The following LARGE1 variants were observed in gnomAD, a reference collection of about 807,000 sequenced individuals.
The protein encoded by LARGE1 is xylosyl- and glucuronyltransferase LARGE1.
In LARGE1, 43 loss-of-function variants were observed where a neutral mutation model predicts 87.6. The observed-to-expected ratio is 0.49, with a 90% confidence interval of 0.38 to 0.63. The LOEUF is 0.63. Ranked by LOEUF, LARGE1 falls within the 30% of genes least tolerant of loss-of-function variation. The probability of loss-of-function intolerance (pLI) is 0.00; values close to 1 mark genes in which losing one functional copy is unlikely to be tolerated. For missense variants in LARGE1, 802 were observed against 1,000.2 expected, an observed-to-expected ratio of 0.80 and a Z score of 2.67; for synonymous variants, 434 against 394.6, an observed-to-expected ratio of 1.10 and a Z score of -1.18.
chr22:33,493,856 G>GAA (rs1328362475), intron 6 of LARGE1, among the ~76,000 whole-genome samples: 1 of 152,166 alleles, frequency 6.6e-6, no homozygotes, highest in Admixed American at 6.5e-5. Context: ...AGTGTGCCCA[G>GAA]ACTCCTGACA....
intron 5 of LARGE1, among the ~76,000 whole-genome samples, chr22:33,587,433 T>A (rs713967): frequency 6.6e-6 from 1 of 151,944 alleles, no homozygotes; most frequent in African/African-American, 2.4e-5. Context: ...TAATAAGTAA[T>A]AAAAATTTTT....
At chr22:33,556,556 G>GAAGGAGGA (rs2077689869) in intron 6 of LARGE1, among the ~76,000 whole-genome samples, 1 of 100,498 alleles carries the variant, frequency 1.0e-5, no homozygotes, top group Admixed American at 1.1e-4. Context: ...GGGAGGGAGG[G>GAAGGAGGA]AGGGAGGGAG....
intron 12 of LARGE1, among the ~76,000 whole-genome samples, chr22:33,298,037 G>A (rs1459668551): frequency 6.7e-6 from 1 of 149,166 alleles, no homozygotes; most frequent in African/African-American, 2.5e-5. Context: ...AAAGGTGTCA[G>A]AAACCTGTAC....
At chr22:33,482,981 AC>A (rs2069397000) in intron 6 of LARGE1, among the ~76,000 whole-genome samples, 1 of 152,190 alleles carries the variant, frequency 6.6e-6, no homozygotes, top group South Asian at 2.1e-4. Context: ...TGCGGGATGG[AC>A]AGGACTTACG....
exon 12 of LARGE1, chr22:33,166,653 G>A (rs935396920): frequency 1.4e-5 from 6 of 437,482 alleles, no homozygotes; most frequent in Non-Finnish European, 2.4e-5. Flanking sequence ...ATGTTCACCT[G>A]GCACGTACCA....
intron 11 of LARGE1, among the ~76,000 whole-genome samples, chr22:33,197,005 A>G (rs1924118376): frequency 6.6e-6 from 1 of 152,206 alleles, no homozygotes; most frequent in Non-Finnish European, 1.5e-5. Context: ...TTAGATTAAC[A>G]TTTGAAAATT....
chr22:33,720,499 A>G (rs768265776), intron 2 of LARGE1, among the ~76,000 whole-genome samples: 2 of 152,352 alleles, frequency 1.3e-5, no homozygotes, highest in Non-Finnish European at 2.9e-5. Context: ...TGATATTTAT[A>G]TAACAACAAA....
intron 3 of LARGE1, among the ~76,000 whole-genome samples, chr22:33,636,280 GGGGCCTCTGGAAGACTGGCCT>G (rs1220225137): frequency 1.3e-5 from 2 of 152,074 alleles, no homozygotes; most frequent in Non-Finnish European, 2.9e-5. Flanking sequence ...ATCCATCATG[GGGGCCTCTGGAAGACTGGCCT>G]GGTCCAAAAA....
At chr22:33,092,451 T>G in the LARGE1 span, among the ~76,000 whole-genome samples, 7 of 152,158 alleles carry the variant, frequency 4.6e-5, no homozygotes, top group African/African-American at 1.7e-4. Context: ...CTTTTCTTTT[T>G]TAAATTTAAA....
chr22:33,394,081 CAA>C (rs66531142), intron 7 of LARGE1, among the ~76,000 whole-genome samples: 13,282 of 109,724 alleles, frequency 0.12, 880 homozygotes, highest in African/African-American at 0.22. Context: ...GTGCAACTGC[CAA>C]AAAAAAAAAA....
chr22:33,889,852 G>A (rs535703838), intron 1 of LARGE1, among the ~76,000 whole-genome samples: 1 of 152,332 alleles, frequency 6.6e-6, no homozygotes, highest in East Asian at 1.9e-4. Context: ...GAAGCTCGGT[G>A]CCAGAAACAC....
At chr22:33,279,380 AAAGC>A (rs1929996949) in intron 13 of LARGE1, among the ~76,000 whole-genome samples, 1 of 152,208 alleles carries the variant, frequency 6.6e-6, no homozygotes, top group South Asian at 2.1e-4. Flanking sequence ...CAGTCTCTCC[AAAGC>A]AAGGGAGGCG....
chr22:33,494,468 T>C (rs538772967), intron 6 of LARGE1, among the ~76,000 whole-genome samples: 1 of 152,358 alleles, frequency 6.6e-6, no homozygotes, highest in South Asian at 2.1e-4. Context: ...CAGTTAGTGC[T>C]CAAAATGGTA....
intron 11 of LARGE1, among the ~76,000 whole-genome samples, chr22:33,186,194 C>T (rs1272511595): frequency 6.6e-6 from 1 of 152,020 alleles, no homozygotes; most frequent in Non-Finnish European, 1.5e-5. Context: ...AATACTGATA[C>T]CAAAACTTGA....
intron 1 of LARGE1, 130 bp from the exon 2 acceptor site, chr22:33,761,688 C>T: frequency 1.7e-6 from 1 of 597,316 alleles, no homozygotes; most frequent in Non-Finnish European, 3.0e-6. Flanking sequence ...ACCTTTCATC[C>T]CAAGAGATGA....
intron 3 of LARGE1, among the ~76,000 whole-genome samples, chr22:33,628,986 G>A (rs1332139206): frequency 1.3e-5 from 2 of 152,192 alleles, no homozygotes; most frequent in Non-Finnish European, 2.9e-5. Context: ...AGTGCTGTTA[G>A]AAAACCCTGT....
intron 10 of LARGE1, 149 bp from the exon 11 acceptor site, chr22:33,316,397 T>C: frequency 1.5e-6 from 1 of 687,960 alleles, no homozygotes; most frequent in Admixed American, 2.5e-5. Flanking sequence ...ATCACCACTT[T>C]TATTTCCCTC....
intron 2 of LARGE1, among the ~76,000 whole-genome samples, chr22:33,681,701 T>C (rs1003099452): frequency 1.3e-5 from 2 of 152,230 alleles, no homozygotes; most frequent in Non-Finnish European, 2.9e-5. Context: ...AATTTCTCTT[T>C]ATCAATGCTA....
intron 6 of LARGE1, among the ~76,000 whole-genome samples, chr22:33,514,426 C>T (rs1183429013): frequency 1.3e-5 from 2 of 152,096 alleles, no homozygotes; most frequent in Non-Finnish European, 2.9e-5. Flanking sequence ...ACATTTGCGA[C>T]TTCATCCAAA....
Sources: allele counts gnomAD v4.1 joint callset (sites outside exome capture counted in the v4.1 genomes callset), GRCh38; gene constraint gnomAD v4.1.1; transcripts MANE v1.5; gene names NCBI Gene and HGNC (gene_info 2026-07-23, HGNC 2026-07-21).